Variants in ZGRF1 observed in about 807,000 individuals in gnomAD.
The protein encoded by ZGRF1 is zinc finger GRF-type containing 1.
A neutral mutation model predicts 203.5 loss-of-function variants in ZGRF1; 196 were observed. The ratio of observed to expected loss-of-function variants is 0.96; its 90% CI spans 0.86 to 1.08. The LOEUF is 1.08. Among genes scored for constraint, ZGRF1 ranks in the 50% least tolerant of loss-of-function variants. ZGRF1 has a pLI of 0.00. For missense variants in ZGRF1, 2,326 were observed against 2,416.3 expected, an observed-to-expected ratio of 0.96 and a Z score of 0.78; for synonymous variants, 809 against 841.3, an observed-to-expected ratio of 0.96 and a Z score of 0.66.
At chr4:112,590,833 G>A (rs573624691) in intron 10 of ZGRF1, among the ~76,000 whole-genome samples, 2 of 151,640 alleles carry the variant, frequency 1.3e-5, no homozygotes, top group African/African-American at 4.8e-5. Context: ...GGCTGAGACA[G>A]GGGAACCACT....
intron 10 of ZGRF1, among the ~76,000 whole-genome samples, chr4:112,591,793 G>GA (rs1363648348): frequency 6.6e-6 from 1 of 152,046 alleles, no homozygotes; most frequent in African/African-American, 2.4e-5. Context: ...GCCTAAAATA[G>GA]AACTCCACTC....
At chr4:112,558,366 T>C in intron 19 of ZGRF1, 57 bp from the exon 20 acceptor site, 3 of 1,342,664 alleles carry the variant, frequency 2.2e-6, no homozygotes, top group African/African-American at 1.5e-5. Context: ...AATTTCTTTT[T>C]TCTTTTCTTT....
rs747087242 is a variant in ZGRF1, at chr4:112,618,425, G to C, written c.1617C>G (p.Thr539=). 1 of 1,613,586 alleles carries C rather than the reference G, an allele frequency of 6.2e-7. No homozygotes were observed. Among genetic ancestry groups the C allele is most frequent in the Admixed American group, 1.7e-5 (1 of 59,994 alleles). ...EVTFNLNNFE[T]SDTEEESQES... is the part of the protein sequence containing the mutation. The stretch of plus-strand genomic sequence containing the variant: ...CCTGTGATTCCTCCTCAGTGTCACT[G>C]GTCTCAAAATTGTTCAGATTAAAAG... Residue 539 remains threonine, a synonymous_variant, in exon 6 of 28, where the codon ACC becomes ACG. Coordinates refer to ENST00000505019, the MANE Select transcript of ZGRF1 (RefSeq NM_018392.5).
rs950552007 is a variant in ZGRF1 at position 112,539,393 on chromosome 4, C to G, written c.*154G>C. On this transcript the variant is annotated 3_prime_UTR_variant, in exon 28 of 28. Coordinates refer to ENST00000505019, the MANE Select transcript of ZGRF1 (RefSeq NM_018392.5). Reference sequence around the variant, plus strand: ...AGGATTTTATACTACCTTTTGTACACTTTTTTGAAGAACAAAATTTTTACA... The same window carrying G: ...AGGATTTTATACTACCTTTTGTACAGTTTTTTGAAGAACAAAATTTTTACA... The G allele has an allele frequency of 4.3e-6, 2 of 466,344 alleles. No homozygotes were observed. The highest frequency in any genetic ancestry group is 7.3e-6 in the Non-Finnish European group (2 of 274,918). 28.9% of individuals were successfully genotyped at this position (466,344 alleles called of 1,614,324 possible).
chr4:112,546,072 G>GTAATAATAA (rs142640030), intron 24 of ZGRF1, among the ~76,000 whole-genome samples: 14,741 of 147,186 alleles, frequency 0.1, 980 homozygotes, highest in Middle Eastern at 0.14. Context: ...GTACTTTAAA[G>GTAATAATAA]TAATAATAAT....
intron 16 of ZGRF1, among the ~76,000 whole-genome samples, chr4:112,578,470 A>C (rs1745622658): frequency 8.5e-6 from 1 of 118,038 alleles, no homozygotes; most frequent in African/African-American, 2.9e-5. Context: ...TCAAAAAATC[A>C]ATGAATCCAG....
chr4:112,556,125 A>T (rs1203293395), intron 20 of ZGRF1, among the ~76,000 whole-genome samples: 1 of 152,088 alleles, frequency 6.6e-6, no homozygotes, highest in African/African-American at 2.4e-5. Context: ...TAAATTGCTT[A>T]TAAGAGTGTG....
chr4:112,576,297 C>A (rs1745204657), intron 16 of ZGRF1, among the ~76,000 whole-genome samples: 1 of 152,080 alleles, frequency 6.6e-6, no homozygotes, highest in Non-Finnish European at 1.5e-5. Context: ...TCATCAAAGA[C>A]CAATGGTAGA....
chr4:112,593,708 T>C (rs1354993463), intron 10 of ZGRF1, among the ~76,000 whole-genome samples: 1 of 152,228 alleles, frequency 6.6e-6, no homozygotes, highest in Non-Finnish European at 1.5e-5. Flanking sequence ...TTTCTTTGCA[T>C]GGTATGTTCA....
At chr4:112,588,484 A>C (rs1747616501) in intron 11 of ZGRF1, among the ~76,000 whole-genome samples, 1 of 152,138 alleles carries the variant, frequency 6.6e-6, no homozygotes, top group African/African-American at 2.4e-5. Flanking sequence ...AAAAGATTTT[A>C]GCTTTATTTT....
chr4:112,592,690 G>T (rs1748380509), intron 10 of ZGRF1, among the ~76,000 whole-genome samples: 1 of 152,114 alleles, frequency 6.6e-6, no homozygotes, highest in Non-Finnish European at 1.5e-5. Flanking sequence ...TCAGACTCAT[G>T]TACTCAACTT....
In ZGRF1 at chr4:112,587,417, GC is replaced by G. The variant is rs746535145; in HGVS notation, c.3639del (p.Gln1214ArgfsTer17). The G allele has an allele frequency of 1.2e-6, 2 of 1,613,852 alleles. No homozygotes were observed. The highest frequency in any genetic ancestry group is 2.2e-5 in the South Asian group (2 of 91,062). ...ACCGAATCTTGACTGCTAAAATCCT[GC>G]CGCTGTTGATAGAGCATGCCTTTTA... The part of the protein sequence containing the change: ...QMIKGMLYQQ[R>X]QDFSSQDSVS... On this transcript the variant is annotated frameshift_variant, in exon 12 of 28. Transcript: ENST00000505019. LOFTEE classifies it high-confidence loss of function.
chr4:112,576,469 C>T (rs1432826667), intron 16 of ZGRF1, among the ~76,000 whole-genome samples: 1 of 152,128 alleles, frequency 6.6e-6, no homozygotes, highest in East Asian at 1.9e-4. Flanking sequence ...TCCAGACGAT[C>T]AAACTACTCC....
intron 16 of ZGRF1, chr4:112,565,134 C>T: frequency 7.0e-7 from 1 of 1,420,750 alleles, no homozygotes; most frequent in Non-Finnish European, 1.0e-6. Flanking sequence ...CTGTGGCGCT[C>T]CGTGAAATTA....
Position 112,618,095 on chromosome 4 carries a change from C to T in ZGRF1, c.1947G>A (p.Lys649=). ...SDTLSNFESF[K]WTDAVYGDNK... Reference sequence around the variant, plus strand: ...TATCTCCGTATACAGCATCAGTCCACTTGAAAGATTCAAAATTGCTTAATG... The same window carrying T: ...TATCTCCGTATACAGCATCAGTCCATTTGAAAGATTCAAAATTGCTTAATG... The change falls in exon 6 of 28, where the codon AAG becomes AAA. Residue 649 remains lysine (K), a synonymous_variant. Coordinates refer to ENST00000505019, the MANE Select transcript of ZGRF1 (RefSeq NM_018392.5). 1 of 1,613,906 alleles carries T rather than the reference C, an allele frequency of 6.2e-7. No individual in the cohort carries two copies. Among genetic ancestry groups the T allele is most frequent in the Non-Finnish European group, 8.5e-7 (1 of 1,179,912 alleles).
intron 8 of ZGRF1, among the ~76,000 whole-genome samples, chr4:112,609,076 C>A (rs1452170401): frequency 6.7e-6 from 1 of 149,422 alleles, no homozygotes; most frequent in Non-Finnish European, 1.5e-5. Flanking sequence ...TTTTTTGAGA[C>A]AGAGTCTCAC....
chr4:112,612,850 T>C (rs2046737058), intron 6 of ZGRF1, among the ~76,000 whole-genome samples: 1 of 152,196 alleles, frequency 6.6e-6, no homozygotes, highest in Non-Finnish European at 1.5e-5. Flanking sequence ...GTAGGAATGT[T>C]TCCTTGTACT....
At chr4:112,594,612 C>A (rs1748699298) in intron 10 of ZGRF1, among the ~76,000 whole-genome samples, 1 of 151,820 alleles carries the variant, frequency 6.6e-6, no homozygotes, top group Non-Finnish European at 1.5e-5. Context: ...GCCACCACGC[C>A]CAGCTAATTT....
Position 112,599,056 on chromosome 4 carries a change from C to CA in ZGRF1, c.2976+4467dup, listed in dbSNP as rs535936438. Among the ~76,000 whole-genome samples, 652 of 151,328 alleles carry CA rather than the reference C, an allele frequency of 4.3e-3. 7 individuals carry two copies. Among genetic ancestry groups the CA allele is most frequent in the African/African-American group, 0.015 (627 of 41,264 alleles). ...ACAGAGTGAGGCTCCTTCTCAAAAA[C>CA]AAAAAAATCAGAGTCAAAGCACTAA... On this transcript the variant is annotated intron_variant, in intron 10 of 27. Coordinates refer to ENST00000505019, the MANE Select transcript of ZGRF1 (RefSeq NM_018392.5).
Sources: gnomAD v4.1 joint callset for allele counts (sites outside exome capture counted in the v4.1 genomes callset) on GRCh38, gnomAD v4.1.1 for gene constraint, MANE v1.5 for transcripts, NCBI Gene and HGNC (gene_info 2026-07-23, HGNC 2026-07-21) for gene names.